Variants in SNRPD2 observed in about 807,000 individuals in gnomAD.
The protein encoded by SNRPD2 is small nuclear ribonucleoprotein D2 polypeptide.
In SNRPD2, 1 loss-of-function variant was observed where a neutral mutation model predicts 11.5. The observed-to-expected ratio is 0.09, with a 90% CI of 0.03 to 0.41. SNRPD2 has a LOEUF of 0.41. Among genes scored for constraint, SNRPD2 ranks in the 10% least tolerant of loss-of-function variants. The pLI is 0.98. For synonymous variants in SNRPD2, 63 were observed against 61.5 expected (o/e 1.02, Z -0.12); for missense variants, 77 against 154.9 (o/e 0.50, Z 2.67).
upstream of SNRPD2, chr19:45,692,180 T>G (rs1160554745): frequency 1.8e-5 from 10 of 557,790 alleles, no homozygotes; most frequent in Admixed American, 3.3e-4. Flanking sequence ...TCTTGAAGAA[T>G]GGTACAGGTT....
At position 45,688,363 on chromosome 19, in the gene SNRPD2, C is replaced by A. The variant is rs903301535; in HGVS notation, c.182+24G>T. ...GTGGCCTCTCCAGGCCTGCGGAGAA[C>A]ACCTCCCAGGACCCAGCACTCACCT... On this transcript the variant is annotated intron_variant, in intron 2 of 2. Transcript: ENST00000342669. The surrounding 1 kb of genome is among the most constrained non-coding windows in gnomAD (Gnocchi z 4.1). 16 of 1,610,438 alleles carry A rather than the reference C, an allele frequency of 9.9e-6. No homozygotes were observed. Among genetic ancestry groups the A allele is most frequent in the Non-Finnish European group, 6.8e-6 (8 of 1,177,108 alleles).
At chr19:45,691,424 G>A (rs59618395) in intron 1 of SNRPD2, 9,054 of 157,996 alleles carry the variant, frequency 0.057, 921 homozygotes, top group African/African-American at 0.21. Flanking sequence ...GAGCCACCGC[G>A]CTCGGCCTCC....
upstream of SNRPD2, chr19:45,692,044 C>T: frequency 6.3e-7 from 1 of 1,583,014 alleles, no homozygotes; most frequent in Non-Finnish European, 8.6e-7. Flanking sequence ...CACAGCATTC[C>T]CCACCAACGG....
intron 1 of SNRPD2, chr19:45,689,207 A>G (rs780268825): frequency 1.5e-5 from 8 of 519,988 alleles, no homozygotes; most frequent in Non-Finnish European, 3.8e-6. Flanking sequence ...CCTACATGAA[A>G]TCTGTAGGAA....
chr19:45,691,716 G>C, intron 1 of SNRPD2, 171 bp downstream of exon 1: 1 of 799,686 alleles, frequency 1.3e-6, no homozygotes, highest in South Asian at 1.5e-5. Context: ...AAGTCACGAT[G>C]CGTCAAAGGC....
At chr19:45,689,298 C>T in intron 1 of SNRPD2, 1 of 520,118 alleles carries the variant, frequency 1.9e-6, no homozygotes, top group East Asian at 5.4e-5. Flanking sequence ...CACCCACGTT[C>T]CCTGACAGTC....
In SNRPD2 at chr19:45,690,831, CAAAAAAA is replaced by C. The variant is rs34253731; in HGVS notation, c.2+1049_2+1055del. On this transcript the variant is annotated intron_variant, in intron 1 of 2. Transcript: ENST00000342669. ...TGAGCAACAGAGCAAGGCTCCGTCT[CAAAAAAA>C]AAAAAAAAAAGAAAAAGAGAAAAAG... Among the ~76,000 whole-genome samples the C allele has an allele frequency of 4.1e-3, 359 of 87,430 alleles. 3 individuals carry two copies. The highest frequency in any genetic ancestry group is 5.4e-3 in the Non-Finnish European group (224 of 41,360). 57.4% of individuals were successfully genotyped at this position (87,430 alleles called of 152,430 possible). A position where few individuals can be genotyped will look rare whatever the true frequency, so the allele number is the denominator to read the frequency against.
At chr19:45,689,420 C>T (rs1190785688) in intron 1 of SNRPD2, 1 of 367,896 alleles carries the variant, frequency 2.7e-6, no homozygotes, top group Non-Finnish European at 5.4e-6. Flanking sequence ...GTAATCCTAG[C>T]ACTTTAGGAG....
chr19:45,689,606 G>A (rs192906610), intron 1 of SNRPD2, among the ~76,000 whole-genome samples: 4 of 152,016 alleles, frequency 2.6e-5, no homozygotes, highest in Non-Finnish European at 4.4e-5. Flanking sequence ...AGCTACTCGG[G>A]AGGTTAAAGT....
rs1477677754 is a variant in SNRPD2 at position 45,687,629 on chromosome 19, C to A, written c.281G>T (p.Arg94Leu). The change falls in exon 3 of 3, where the codon CGC becomes CTC. Residue 94 changes from arginine to leucine, a missense_variant. Physicochemically the swap from Arg to Leu is moderately radical, Grantham distance 102 (BLOSUM62 -2). Transcript: ENST00000342669. This position sits in a 1 kb window ranked among gnomAD's most constrained non-coding sequence, Gnocchi z 4.1. ...GCGCAGGAACATCTTGGAGATGTAG[C>A]GGTCTTTGTTGACTGGCTTGGACTT... is the stretch of plus-strand genomic sequence containing the variant. ...KKKSKPVNKDRYISKMFLRGD... is the reference protein window; with the variant it reads ...KKKSKPVNKDLYISKMFLRGD... 1 of 1,614,142 alleles carries A rather than the reference C, an allele frequency of 6.2e-7. No individual in the cohort carries two copies. Among genetic ancestry groups the A allele is most frequent in the Non-Finnish European group, 8.5e-7 (1 of 1,179,980 alleles).
chr19:45,690,845 A>AT (rs1005565151), intron 1 of SNRPD2, among the ~76,000 whole-genome samples: 2 of 151,860 alleles, frequency 1.3e-5, no homozygotes, highest in African/African-American at 2.4e-5. Context: ...AAAAAAAAAA[A>AT]AAAGAAAAAG....
Position 45,688,278 on chromosome 19 carries a change from T to G in SNRPD2, c.182+109A>C. On this transcript the variant is annotated intron_variant, in intron 2 of 2. Transcript: ENST00000342669. The surrounding 1 kb of genome is among the most constrained non-coding windows in gnomAD (Gnocchi z 4.1). ...GATTACAGGCATGAGCCACCACGCC[T>G]GGCCATACACCCCAGGCTTCTGAGA... 1 of 942,198 alleles carries G rather than the reference T, an allele frequency of 1.1e-6. No homozygotes were observed. Among genetic ancestry groups the G allele is most frequent in the South Asian group, 1.6e-5 (1 of 62,902 alleles). The allele number at this position is 942,198 out of a possible 1,614,324, so 58.4% of individuals were successfully genotyped here. A position where few individuals can be genotyped will look rare whatever the true frequency, so the allele number is the denominator to read the frequency against.
Position 45,691,938 on chromosome 19 carries a change from G to A in SNRPD2, c.-50C>T, listed in dbSNP as rs369793788. On this transcript the variant is annotated 5_prime_UTR_variant, in exon 1 of 3. Transcript: ENST00000342669. ...CTCCCGTTTCCTCCGCGTTGCTGCT[G>A]CCTGAGGAGAGAGAGGCGGGACTTC... 3 of 1,613,884 alleles carry A rather than the reference G, an allele frequency of 1.9e-6. No individual in the cohort carries two copies. Among genetic ancestry groups the A allele is most frequent in the Admixed American group, 1.7e-5 (1 of 59,990 alleles).
rs150501960 is a variant in SNRPD2 at position 45,688,494 on chromosome 19, G to A, written c.75C>T (p.Asn25=). The A allele has an allele frequency of 6.2e-6, 10 of 1,614,024 alleles. No homozygotes were observed. In the Admixed American group the frequency reaches 8.3e-5, roughly 13 times the overall value. The change falls in exon 2 of 3, where the codon AAC becomes AAT. Residue 25 remains asparagine (N), a synonymous_variant. Coordinates refer to ENST00000342669, the MANE Select transcript of SNRPD2 (RefSeq NM_001384647.1). The surrounding 1 kb of genome is among the most constrained non-coding windows in gnomAD (Gnocchi z 4.1). ...ELQKREEEEF[N]TGPLSVLTQS... is the part of the protein sequence containing the mutation. ...GTGTGAGCACAGAGAGTGGACCGGT[G>A]TTAAATTCCTCCTCCTCTCGCTTCT...
chr19:45,689,840 C>CTGTCT (rs1967492790), intron 1 of SNRPD2, among the ~76,000 whole-genome samples: 1 of 149,558 alleles, frequency 6.7e-6, no homozygotes, highest in African/African-American at 2.5e-5. Context: ...TTCGAGACCA[C>CTGTCT]CCAGGGCAAG....
Position 45,688,437 on chromosome 19 carries a change from G to A in SNRPD2, c.132C>T (p.Ile44=). 1 of 1,614,202 alleles carries A rather than the reference G, an allele frequency of 6.2e-7. No homozygotes were observed. The highest frequency in any genetic ancestry group is 1.3e-5 in the African/African-American group (1 of 75,062). ...QSVKNNTQVL[I]NCRNNKKLLG... Reference sequence around the variant, plus strand: ...GGAGTTTCTTATTGTTGCGGCAGTTGATGAGCACTTGGGTATTGTTCTTGA... The same window carrying A: ...GGAGTTTCTTATTGTTGCGGCAGTTAATGAGCACTTGGGTATTGTTCTTGA... The change falls in exon 2 of 3, where the codon ATC becomes ATT. Residue 44 remains isoleucine, a synonymous_variant. Coordinates refer to ENST00000342669, the MANE Select transcript of SNRPD2 (RefSeq NM_001384647.1). The surrounding 1 kb of genome is among the most constrained non-coding windows in gnomAD (Gnocchi z 4.1).
rs561860372 is a variant in SNRPD2, at chr19:45,688,275, G to GC, written c.182+111dup. On this transcript the variant is annotated intron_variant, in intron 2 of 2. Transcript: ENST00000342669. This position sits in a 1 kb window ranked among gnomAD's most constrained non-coding sequence, Gnocchi z 4.1. Reference sequence around the variant, plus strand: ...TGGGATTACAGGCATGAGCCACCACGCCTGGCCATACACCCCAGGCTTCTG... The same window carrying GC: ...TGGGATTACAGGCATGAGCCACCACGCCCTGGCCATACACCCCAGGCTTCTG... The GC allele has an allele frequency of 3.4e-6, 3 of 895,320 alleles. No individual in the cohort carries two copies. Among genetic ancestry groups the GC allele is most frequent in the Non-Finnish European group, 5.2e-6 (3 of 572,574 alleles). 55.5% of individuals were successfully genotyped at this position (895,320 alleles called of 1,614,324 possible). A position where few individuals can be genotyped will look rare whatever the true frequency, so the allele number is the denominator to read the frequency against.
At chr19:45,690,845 A>G (rs951592191) in intron 1 of SNRPD2, among the ~76,000 whole-genome samples, 2 of 151,976 alleles carry the variant, frequency 1.3e-5, no homozygotes, top group Admixed American at 6.6e-5. Context: ...AAAAAAAAAA[A>G]AAAGAAAAAG....
rs368050347 is a variant in SNRPD2, at chr19:45,691,879, G to A, written c.2+8C>T. 2.9e-5 allele frequency: 46 copies of A among 1,613,716 alleles called. No homozygotes were observed. Among genetic ancestry groups the A allele is most frequent in the Non-Finnish European group, 3.6e-5 (42 of 1,179,908 alleles). ...CATTCCCGCCGCCTAAGCCTAGCCC[G>A]GCCTCACATGATGGTCACTACGCTC... On this transcript the variant is annotated splice_region_variant and intron_variant, in intron 1 of 2. Transcript: ENST00000342669.
Sources: gnomAD v4.1 joint callset for allele counts (sites outside exome capture counted in the v4.1 genomes callset) on GRCh38, gnomAD v4.1.1 for gene constraint, Gnocchi (gnomAD v3.1) non-coding constraint, MANE v1.5 for transcripts, NCBI Gene and HGNC (gene_info 2026-07-23, HGNC 2026-07-21) for gene names.